CIB1: variants seen among roughly 807,000 people sequenced by gnomAD.
CIB1 encodes calcium and integrin-binding protein 1.
CIB1 carries 19 observed loss-of-function variants against 25.0 expected under a neutral mutation model. The observed-to-expected ratio is 0.76, with a 90% CI of 0.53 to 1.12. The LOEUF is 1.12. Among genes scored for constraint, CIB1 ranks in the 50% most tolerant of loss-of-function variants. CIB1 has a pLI of 0.00. For synonymous variants in CIB1, 104 were observed against 98.5 expected, an observed-to-expected ratio of 1.06 and a Z score of -0.33; for missense variants, 236 against 242.6, an observed-to-expected ratio of 0.97 and a Z score of 0.18.
At chr15:90,260,600 C>CT in the CIB1 span, among the ~76,000 whole-genome samples, 1 of 152,116 alleles carries the variant, frequency 6.6e-6, no homozygotes, top group Non-Finnish European at 1.5e-5. Context: ...GGCCTGTAAT[C>CT]TCAGCCCTTT....
the CIB1 span, chr15:90,264,058 C>G: frequency 8.1e-5 from 124 of 1,525,190 alleles, no homozygotes; most frequent in East Asian, 2.0e-3. Context: ...GCTCACTAGC[C>G]GTAAGTATGC....
the CIB1 span, chr15:90,241,922 C>G: frequency 6.2e-7 from 1 of 1,614,142 alleles, no homozygotes; most frequent in Non-Finnish European, 8.5e-7. Flanking sequence ...TGGCTGGGCA[C>G]CTCCCTGTCA....
In CIB1 at chr15:90,231,095, G is replaced by A. The variant is rs774791760; in HGVS notation, c.465C>T (p.Asn155=). Residue 155 remains asparagine, a splice_region_variant and synonymous_variant, in exon 5 of 7, where the codon AAC becomes AAT. Transcript: ENST00000328649. ...CTCCCAGGCCTGCTCAGCTGCTCACGTTGTCGATGAGCTGCTTCATCTCAG... is the reference window on the plus strand; with the variant it reads ...CTCCCAGGCCTGCTCAGCTGCTCACATTGTCGATGAGCTGCTTCATCTCAG... ...SASEMKQLID[N]ILEESDIDRD... 7 of 1,613,632 alleles carry A rather than the reference G, an allele frequency of 4.3e-6. No homozygotes were observed. The South Asian group carries it at 4.4e-5, about 10-fold the overall frequency.
At chr15:90,257,278 C>A in the CIB1 span, 1 of 1,611,102 alleles carries the variant, frequency 6.2e-7, no homozygotes, top group Non-Finnish European at 8.5e-7. Context: ...GCCATAACAA[C>A]CTGGTAAGGG....
At chr15:90,238,279 G>A (rs79724367), upstream of CIB1, among the ~76,000 whole-genome samples, 3,126 of 152,280 alleles carry the variant, frequency 0.021, 98 homozygotes, top group African/African-American at 0.068. Flanking sequence ...CAGCCTGGCT[G>A]ACAGAGTGAG....
the CIB1 span, chr15:90,258,759 G>C: frequency 6.2e-7 from 1 of 1,614,172 alleles, no homozygotes; most frequent in Non-Finnish European, 8.5e-7. Flanking sequence ...CACTCTCCAA[G>C]CTTTACCACG....
chr15:90,249,246 T>C, the CIB1 span, among the ~76,000 whole-genome samples: 13 of 147,204 alleles, frequency 8.8e-5, no homozygotes, highest in Non-Finnish European at 1.5e-4. Flanking sequence ...AAGGGAGAAT[T>C]GAGGAGAGGC....
At chr15:90,242,896 A>G in the CIB1 span, 1 of 152,186 alleles carries the variant, frequency 6.6e-6, no homozygotes, top group Non-Finnish European at 1.5e-5. Flanking sequence ...TAAAGGGGAG[A>G]AAGATAATGG....
the CIB1 span, chr15:90,241,012 A>G: frequency 6.2e-7 from 1 of 1,613,950 alleles, no homozygotes; most frequent in East Asian, 2.2e-5. Flanking sequence ...GGGCAGAAGG[A>G]TCTCATGGCA....
rs1962476883 is a variant in CIB1 at position 90,231,181 on chromosome 15, C to A, written c.379G>T (p.Asp127Tyr). ...AGGCAGTTCACCAGCCGGCTCAGGT[C>A]TTCTCTGTTCAAGGTTCCGTCATCA... Reference protein sequence around the residue: ...FDDDGTLNREDLSRLVNCLTG... With the variant: ...FDDDGTLNREYLSRLVNCLTG... The change falls in exon 5 of 7, where the codon GAC (aspartate) becomes TAC (tyrosine). Residue 127 changes from aspartate to tyrosine, a missense_variant. Physicochemically the swap from Asp to Tyr is radical, Grantham distance 160. Coordinates refer to ENST00000328649, the MANE Select transcript of CIB1 (RefSeq NM_006384.4). 2 of 1,613,608 alleles carry A rather than the reference C, an allele frequency of 1.2e-6. No homozygotes were observed. Among genetic ancestry groups the A allele is most frequent in the Non-Finnish European group, 1.7e-6 (2 of 1,179,964 alleles).
At chr15:90,252,572 C>T in the CIB1 span, among the ~76,000 whole-genome samples, 1 of 152,178 alleles carries the variant, frequency 6.6e-6, no homozygotes, top group Non-Finnish European at 1.5e-5. Context: ...AAAAAACAAT[C>T]TCCAGCTAGG....
Position 90,232,339 on chromosome 15 carries a change from A to G in CIB1, c.87-12T>C, listed in dbSNP as rs1335986259. 1 of 1,593,852 alleles carries G rather than the reference A, an allele frequency of 6.3e-7. No homozygotes were observed. Among genetic ancestry groups the G allele is most frequent in the African/African-American group, 1.3e-5 (1 of 74,388 alleles). Reference sequence around the variant, plus strand: ...ACCGCCTGTGGGCTCTGGTAGAGAGAGGGGAACTGTCGGTGTTCTCAGCGA... The same window carrying G: ...ACCGCCTGTGGGCTCTGGTAGAGAGGGGGGAACTGTCGGTGTTCTCAGCGA... On this transcript the variant is annotated splice_polypyrimidine_tract_variant and intron_variant, in intron 2 of 6. Transcript: ENST00000328649.
chr15:90,265,601 G>A, the CIB1 span: 7 of 1,441,166 alleles, frequency 4.9e-6, no homozygotes, highest in African/African-American at 1.4e-5. Flanking sequence ...AAGTGAAGCG[G>A]GAAATAACTT....
the CIB1 span, chr15:90,259,163 C>T: frequency 1.3e-6 from 1 of 764,024 alleles, no homozygotes; most frequent in Non-Finnish European, 1.9e-6. Flanking sequence ...TAGAGTTCAA[C>T]ACCAGACTGG....
At chr15:90,258,204 G>A in the CIB1 span, 1 of 1,614,252 alleles carries the variant, frequency 6.2e-7, no homozygotes, top group South Asian at 1.1e-5. Flanking sequence ...AGGTACATGT[G>A]CCTGTTTTGA....
chr15:90,250,427 T>C, the CIB1 span, among the ~76,000 whole-genome samples: 1 of 152,144 alleles, frequency 6.6e-6, no homozygotes, highest in Non-Finnish European at 1.5e-5. Context: ...CTCACTGGTG[T>C]CTTCCACCCC....
At chr15:90,253,898 T>A in the CIB1 span, among the ~76,000 whole-genome samples, 1 of 152,072 alleles carries the variant, frequency 6.6e-6, no homozygotes, top group African/African-American at 2.4e-5. Context: ...TTTAAAAGAG[T>A]CTGCAGGCTT....
chr15:90,264,696 G>A, the CIB1 span: 3 of 1,533,948 alleles, frequency 2.0e-6, no homozygotes, highest in African/African-American at 4.1e-5. Flanking sequence ...TACCAACTCA[G>A]GGACATCCAT....
the CIB1 span, chr15:90,243,023 C>T: frequency 6.6e-6 from 1 of 152,152 alleles, no homozygotes; most frequent in African/African-American, 2.4e-5. Context: ...GTTCAAGCCC[C>T]AGGGGTGTTA....
Sources: gnomAD v4.1 joint callset for allele counts (sites outside exome capture counted in the v4.1 genomes callset) on GRCh38, gnomAD v4.1.1 for gene constraint, MANE v1.5 for transcripts, NCBI Gene and HGNC (gene_info 2026-07-23, HGNC 2026-07-21) for gene names.